The following IRS1 variants were observed in gnomAD, a reference collection of about 807,000 sequenced individuals.
IRS1 encodes the protein insulin receptor substrate 1.
IRS1 carries 34 observed loss-of-function variants against 65.6 expected under a neutral mutation model. The ratio of observed to expected loss-of-function variants is 0.52; its 90% CI spans 0.39 to 0.69. The LOEUF (loss-of-function observed/expected upper bound fraction) is 0.69, where lower values mean the gene tolerates loss of function less well. Ranked by LOEUF, IRS1 falls within the 30% of genes least tolerant of loss-of-function variation. The probability of loss-of-function intolerance (pLI) is 0.00; values close to 1 mark genes in which losing one functional copy is unlikely to be tolerated. For missense variants in IRS1, 1,641 were observed against 1,720.2 expected, an observed-to-expected ratio of 0.95 and a Z score of 0.81; for synonymous variants, 699 against 683.5, an observed-to-expected ratio of 1.02 and a Z score of -0.35.
chr2:226,747,930 A>G (rs1383528860), intron 1 of IRS1, among the ~76,000 whole-genome samples: 2 of 152,138 alleles, frequency 1.3e-5, no homozygotes, highest in Admixed American at 1.3e-4. Flanking sequence ...CTGGAATACT[A>G]CTAGACACCT....
At chr2:226,793,290 G>A (rs1458042122) in intron 1 of IRS1, among the ~76,000 whole-genome samples, 3 of 151,926 alleles carry the variant, frequency 2.0e-5, no homozygotes, top group Non-Finnish European at 4.4e-5. Context: ...AGTTCTGCTG[G>A]GCTGGTTTTC....
intron 1 of IRS1, among the ~76,000 whole-genome samples, chr2:226,786,369 A>G (rs888946246): frequency 1.3e-5 from 2 of 152,018 alleles, no homozygotes; most frequent in African/African-American, 4.8e-5. Context: ...CTTTAAAAGT[A>G]ACAACAACAA....
At chr2:226,745,008 TATA>T (rs1332363892) in intron 1 of IRS1, among the ~76,000 whole-genome samples, 1 of 152,200 alleles carries the variant, frequency 6.6e-6, no homozygotes, top group Non-Finnish European at 1.5e-5. Context: ...TGAAACTGAT[TATA>T]ATACAAGTAT....
At chr2:226,781,585 A>G (rs1383078848) in intron 1 of IRS1, among the ~76,000 whole-genome samples, 1 of 152,112 alleles carries the variant, frequency 6.6e-6, no homozygotes, top group Non-Finnish European at 1.5e-5. Flanking sequence ...GCGTGGTGGG[A>G]AGCAGGCTTT....
intron 1 of IRS1, among the ~76,000 whole-genome samples, chr2:226,754,252 C>T (rs1938749165): frequency 6.6e-6 from 1 of 152,184 alleles, no homozygotes; most frequent in African/African-American, 2.4e-5. Context: ...TCCTCCCTCC[C>T]AGTATATTTT....
At chr2:226,786,013 G>C (rs952275922) in intron 1 of IRS1, among the ~76,000 whole-genome samples, 2 of 149,246 alleles carry the variant, frequency 1.3e-5, no homozygotes, top group Non-Finnish European at 3.0e-5. Context: ...TTGTCCTTGC[G>C]ATAGTTTGCT....
intron 1 of IRS1, among the ~76,000 whole-genome samples, chr2:226,759,095 T>A (rs2106166040): frequency 6.6e-6 from 1 of 152,288 alleles, no homozygotes; most frequent in Middle Eastern, 3.4e-3. Context: ...ACTGCCTGTG[T>A]CCGGGGCTGG....
At chr2:226,766,138 TATATATATA>T (rs1939031802) in intron 1 of IRS1, among the ~76,000 whole-genome samples, 17 of 4,004 alleles carry the variant, frequency 4.2e-3, no homozygotes, top group African/African-American at 8.1e-3. Context: ...TATATATATA[TATATATATA>T]TATATATATA....
At chr2:226,793,012 A>C (rs1245891583) in intron 1 of IRS1, among the ~76,000 whole-genome samples, 2 of 152,220 alleles carry the variant, frequency 1.3e-5, no homozygotes, top group Non-Finnish European at 2.9e-5. Flanking sequence ...GAATTATTAG[A>C]AATAGGATTA....
At chr2:226,791,909 C>T (rs943067655) in intron 1 of IRS1, among the ~76,000 whole-genome samples, 1 of 152,072 alleles carries the variant, frequency 6.6e-6, no homozygotes, top group African/African-American at 2.4e-5. Flanking sequence ...CAGATTCCCC[C>T]ACCCCGGGCG....
intron 1 of IRS1, among the ~76,000 whole-genome samples, chr2:226,791,053 C>T (rs1185553238): frequency 6.6e-6 from 1 of 152,206 alleles, no homozygotes; most frequent in African/African-American, 2.4e-5. Context: ...TCTTTCATTT[C>T]GCTGTGAGCT....
rs1424321495 is a variant in IRS1 at position 226,799,616 on chromosome 2, C to G, written c.-878G>C. 2.0e-6 allele frequency: 2 copies of G among 1,004,066 alleles called. No homozygotes were observed. The highest frequency in any genetic ancestry group is 2.4e-6 in the Non-Finnish European group (2 of 832,670). 62.2% of individuals were successfully genotyped at this position (1,004,066 alleles called of 1,614,324 possible). On this transcript the variant is annotated 5_prime_UTR_variant, in exon 1 of 2. Transcript: ENST00000305123. This position sits in a 1 kb window ranked among gnomAD's most constrained non-coding sequence, Gnocchi z 6.1. ...TTTGGGAAGGGTTCGGGGAAGACGC[C>G]TGTTCCTCGGGAGGCGCTGCCGCTG...
intron 1 of IRS1, among the ~76,000 whole-genome samples, chr2:226,741,786 A>AAC (rs145806509): frequency 0.097 from 13,377 of 138,038 alleles, 638 homozygotes; most frequent in East Asian, 0.13. Flanking sequence ...GAGCCCAGTA[A>AAC]ACACACACAC....
At chr2:226,775,120 C>A (rs1403040146) in intron 1 of IRS1, among the ~76,000 whole-genome samples, 1 of 152,114 alleles carries the variant, frequency 6.6e-6, no homozygotes, top group African/African-American at 2.4e-5. Context: ...TCACTGATCC[C>A]AGGATGGAAT....
At chr2:226,743,134 G>A (rs1410981267) in intron 1 of IRS1, among the ~76,000 whole-genome samples, 1 of 149,482 alleles carries the variant, frequency 6.7e-6, no homozygotes, top group East Asian at 1.9e-4. Context: ...CTATGTACAT[G>A]ACAGATTCAA....
Position 226,798,734 on chromosome 2 carries a change from G to A in IRS1, c.5C>T (p.Ala2Val). 1 of 1,610,440 alleles carries A rather than the reference G, an allele frequency of 6.2e-7. No individual in the cohort carries two copies. Among genetic ancestry groups the A allele is most frequent in the Non-Finnish European group, 8.5e-7 (1 of 1,179,146 alleles). M[A>V]SPPESDGFSD... ...GAAGCCATCGCTCTCCGGAGGGCTC[G>A]CCATGCTGCCACCGCCACCACCAAC... Residue 2 changes from alanine (A) to valine (V), a missense_variant, in exon 1 of 2, where the codon GCG becomes GTG. By Grantham distance (64) the Ala-to-Val change is moderately conservative (BLOSUM62 0). Coordinates refer to ENST00000305123, the MANE Select transcript of IRS1 (RefSeq NM_005544.3). The surrounding 1 kb of genome is among the most constrained non-coding windows in gnomAD (Gnocchi z 9.4).
intron 1 of IRS1, among the ~76,000 whole-genome samples, chr2:226,760,325 A>C (rs1008361800): frequency 1.3e-5 from 2 of 152,190 alleles, no homozygotes; most frequent in African/African-American, 4.8e-5. Context: ...GGCTTTACTA[A>C]AATGTTCCTT....
intron 1 of IRS1, among the ~76,000 whole-genome samples, chr2:226,748,008 C>T (rs1938582447): frequency 6.6e-6 from 1 of 151,410 alleles, no homozygotes; most frequent in Non-Finnish European, 1.5e-5. Context: ...TACCTGGTTT[C>T]ACAATCATTT....
chr2:226,786,192 C>T (rs558208687), intron 1 of IRS1, among the ~76,000 whole-genome samples: 8 of 150,588 alleles, frequency 5.3e-5, no homozygotes, highest in African/African-American at 7.3e-5. Context: ...TGAATAGTGC[C>T]GCAGTAAACA....
Sources: allele counts gnomAD v4.1 joint callset (sites outside exome capture counted in the v4.1 genomes callset), GRCh38; gene constraint gnomAD v4.1.1; non-coding constraint Gnocchi (gnomAD v3.1); transcripts MANE v1.5; gene names NCBI Gene and HGNC (gene_info 2026-07-23, HGNC 2026-07-21).